GOLPH3: variants seen among roughly 807,000 people sequenced by gnomAD.
GOLPH3 encodes the protein golgi phosphoprotein 3, also known as coat protein GPP34.
In GOLPH3, 14 loss-of-function variants were observed where a neutral mutation model predicts 28.5. That is an observed-to-expected ratio of 0.49 (90% CI 0.32 to 0.77). The LOEUF is 0.77. Ranked by LOEUF, GOLPH3 falls within the 30% of genes least tolerant of loss-of-function variation. GOLPH3 has a pLI of 0.03. For missense variants in GOLPH3, 350 were observed against 393.7 expected (o/e 0.89, Z 0.94); for synonymous variants, 158 against 159.2 (o/e 0.99, Z 0.06).
At chr5:32,144,641 C>G (rs139849436) in intron 1 of GOLPH3, among the ~76,000 whole-genome samples, 2 of 152,124 alleles carry the variant, frequency 1.3e-5, no homozygotes, top group Non-Finnish European at 2.9e-5. Flanking sequence ...AACACACATG[C>G]GCCCACAAAC....
intron 3 of GOLPH3, among the ~76,000 whole-genome samples, chr5:32,130,666 T>TA (rs1423600209): frequency 6.6e-6 from 1 of 152,162 alleles, no homozygotes; most frequent in Non-Finnish European, 1.5e-5. Context: ...GATCTACAGT[T>TA]AAACTTCTCT....
At chr5:32,134,974 A>T (rs1350020733) in intron 3 of GOLPH3, 1 of 152,296 alleles carries the variant, frequency 6.6e-6, no homozygotes, top group Non-Finnish European at 1.5e-5. Context: ...CCATGCTATC[A>T]GCCAAACTTT....
chr5:32,164,540 C>A (rs1239055308), intron 1 of GOLPH3, among the ~76,000 whole-genome samples: 1 of 151,944 alleles, frequency 6.6e-6, no homozygotes, highest in Non-Finnish European at 1.5e-5. Flanking sequence ...ACTACAGGAG[C>A]CCGCCAGCAC....
At position 32,124,804 on chromosome 5, in the gene GOLPH3, G is replaced by GACT. The variant is rs1279619005; in HGVS notation, c.*1407_*1408insAGT. On this transcript the variant is annotated 3_prime_UTR_variant, in exon 4 of 4. Coordinates refer to ENST00000265070, the MANE Select transcript of GOLPH3 (RefSeq NM_022130.4). Reference sequence around the variant, plus strand: ...GGGAATCCCTTAAAATTCAACTCTAGAGTTATACACCATCTAGTACTTTTG... The same window carrying GACT: ...GGGAATCCCTTAAAATTCAACTCTAGACTAGTTATACACCATCTAGTACTTTTG... The GACT allele has an allele frequency of 2.0e-5, 3 of 152,406 alleles. No individual in the cohort carries two copies. The highest frequency in any genetic ancestry group is 4.4e-5 in the Non-Finnish European group (3 of 68,016). 9.4% of individuals were successfully genotyped at this position (152,406 alleles called of 1,614,324 possible). A position where few individuals can be genotyped will look rare whatever the true frequency, so the allele number is the denominator to read the frequency against.
intron 1 of GOLPH3, among the ~76,000 whole-genome samples, chr5:32,161,657 T>C (rs1037330726): frequency 2.0e-5 from 3 of 151,352 alleles, no homozygotes; most frequent in Admixed American, 2.0e-4. Context: ...GTCTGGAGGC[T>C]AAGCAGTATC....
chr5:32,142,737 G>A (rs1265291757), intron 2 of GOLPH3, among the ~76,000 whole-genome samples: 5 of 147,482 alleles, frequency 3.4e-5, no homozygotes, highest in East Asian at 2.0e-4. Flanking sequence ...CGCCCCGTCC[G>A]GGAGGTGAGG....
At chr5:32,171,703 T>C (rs1746841869) in intron 1 of GOLPH3, among the ~76,000 whole-genome samples, 1 of 152,060 alleles carries the variant, frequency 6.6e-6, no homozygotes, top group Non-Finnish European at 1.5e-5. Context: ...ATCTCAGCAC[T>C]TTGGGAGGCC....
chr5:32,171,820 T>C (rs1335835986), intron 1 of GOLPH3, among the ~76,000 whole-genome samples: 1 of 151,956 alleles, frequency 6.6e-6, no homozygotes, highest in Non-Finnish European at 1.5e-5. Context: ...TGGTGGTGCA[T>C]GCCTGTAATC....
At chr5:32,168,586 T>C (rs909728037) in intron 1 of GOLPH3, among the ~76,000 whole-genome samples, 8 of 152,168 alleles carry the variant, frequency 5.3e-5, no homozygotes, top group Non-Finnish European at 7.4e-5. Flanking sequence ...CACTGAAAGA[T>C]GACTGGAAAA....
chr5:32,142,362 G>A (rs1429213809), intron 2 of GOLPH3, among the ~76,000 whole-genome samples: 2 of 148,954 alleles, frequency 1.3e-5, no homozygotes, highest in Non-Finnish European at 3.0e-5. Flanking sequence ...GAGCCCCTCC[G>A]CCCGGCAGCC....
chr5:32,139,824 A>T (rs777755558), intron 2 of GOLPH3, among the ~76,000 whole-genome samples: 1 of 152,204 alleles, frequency 6.6e-6, no homozygotes, highest in Non-Finnish European at 1.5e-5. Context: ...AGATAAAGGA[A>T]ATTTTCAAAA....
intron 1 of GOLPH3, among the ~76,000 whole-genome samples, chr5:32,172,487 G>C (rs565401118): frequency 1.3e-5 from 2 of 151,904 alleles, no homozygotes; most frequent in African/African-American, 4.8e-5. Context: ...ACTAGGTCAA[G>C]AGATCGAGAC....
At chr5:32,162,047 T>A (rs1229663154) in intron 1 of GOLPH3, among the ~76,000 whole-genome samples, 1 of 149,722 alleles carries the variant, frequency 6.7e-6, no homozygotes, top group African/African-American at 2.5e-5. Context: ...AATAAATAAA[T>A]AAAAAATAAA....
chr5:32,156,197 G>C (rs1006884117), intron 1 of GOLPH3, among the ~76,000 whole-genome samples: 2 of 151,620 alleles, frequency 1.3e-5, no homozygotes, highest in Non-Finnish European at 2.9e-5. Context: ...AGAACTGTGA[G>C]AAATAAATTC....
chr5:32,170,982 A>G (rs1746821005), intron 1 of GOLPH3, among the ~76,000 whole-genome samples: 1 of 152,168 alleles, frequency 6.6e-6, no homozygotes, highest in Non-Finnish European at 1.5e-5. Flanking sequence ...TCTGGACCTT[A>G]GCCATGACTA....
intron 1 of GOLPH3, among the ~76,000 whole-genome samples, chr5:32,170,195 A>G (rs192765255): frequency 1.3e-5 from 2 of 152,336 alleles, no homozygotes; most frequent in African/African-American, 2.4e-5. Flanking sequence ...TGAATCTCAC[A>G]TTGAACAAAA....
chr5:32,141,361 A>G (rs1044099561), intron 2 of GOLPH3, among the ~76,000 whole-genome samples: 1 of 152,206 alleles, frequency 6.6e-6, no homozygotes, highest in East Asian at 1.9e-4. Flanking sequence ...ACAGTATTAA[A>G]TATTTGAGAT....
chr5:32,160,455 A>G (rs972031559), intron 1 of GOLPH3, among the ~76,000 whole-genome samples: 5 of 152,228 alleles, frequency 3.3e-5, no homozygotes, highest in Non-Finnish European at 7.3e-5. Flanking sequence ...CAGAGGTGAT[A>G]AAGATGACTA....
At chr5:32,135,886 A>C (rs1745921958) in intron 2 of GOLPH3, among the ~76,000 whole-genome samples, 200 bp from the exon 3 acceptor site, 1 of 152,234 alleles carries the variant, frequency 6.6e-6, no homozygotes, top group East Asian at 1.9e-4. Flanking sequence ...AGATATAATA[A>C]TGAATGAAAA....
Sources: allele counts gnomAD v4.1 joint callset (sites outside exome capture counted in the v4.1 genomes callset), GRCh38; gene constraint gnomAD v4.1.1; transcripts MANE v1.5; gene names NCBI Gene and HGNC (gene_info 2026-07-23, HGNC 2026-07-21).